KRT73: variants seen among roughly 807,000 people sequenced by gnomAD.
KRT73 encodes keratin, type II cytoskeletal 73.
In KRT73, 44 loss-of-function variants were observed where a neutral mutation model predicts 47.2. The ratio of observed to expected loss-of-function variants is 0.93; its 90% CI spans 0.73 to 1.20. The LOEUF is 1.20. Ranked by LOEUF, KRT73 falls within the 50% of genes most tolerant of loss-of-function variation. KRT73 has a pLI of 0.00. For synonymous variants in KRT73, 285 were observed against 291.3 expected, an observed-to-expected ratio of 0.98 and a Z score of 0.22; for missense variants, 713 against 704.5, an observed-to-expected ratio of 1.01 and a Z score of -0.14.
At chr12:52,625,159 A>G in the KRT73 span, among the ~76,000 whole-genome samples, 1 of 152,196 alleles carries the variant, frequency 6.6e-6, no homozygotes, top group Non-Finnish European at 1.5e-5. Context: ...CTTCATCAAA[A>G]TTAAAAACTT....
chr12:52,629,177 C>T, the KRT73 span, among the ~76,000 whole-genome samples: 124,091 of 152,162 alleles, frequency 0.82, 51,525 homozygotes, highest in East Asian at 0.99. Context: ...AAGCCAGACA[C>T]AGTGGCCTGA....
chr12:52,623,505 T>C (rs1177158906), upstream of KRT73, among the ~76,000 whole-genome samples: 1 of 152,054 alleles, frequency 6.6e-6, no homozygotes, highest in Non-Finnish European at 1.5e-5. Context: ...AAGAAAATGA[T>C]AAAAGAAGAC....
intron 7 of KRT73, 56 bp downstream of exon 7, chr12:52,610,530 CCCCCTCCCCCCCGCCCCCAACCACACTCT>C: frequency 1.1e-5 from 2 of 177,900 alleles, no homozygotes. Flanking sequence ...CAGCTCGCCG[CCCCCTCCCCCCCGCCCCCAACCACACTCT>C]GGGAAACTTT....
rs748162412 is a variant in KRT73 at position 52,614,686 on chromosome 12, C to G, written c.724-12G>C. 10 of 1,608,928 alleles carry G rather than the reference C, an allele frequency of 6.2e-6. No homozygotes were observed. The highest frequency in any genetic ancestry group is 5.0e-5 in the Admixed American group (3 of 59,650). Reference sequence around the variant, plus strand: ...GCTGCGTCCACGTCCTATGGAGAATCCAGATACCCCTGACCTCACCTTTCT... The same window carrying G: ...GCTGCGTCCACGTCCTATGGAGAATGCAGATACCCCTGACCTCACCTTTCT... On this transcript the variant is annotated splice_polypyrimidine_tract_variant and intron_variant, in intron 3 of 8. Coordinates refer to ENST00000305748, the MANE Select transcript of KRT73 (RefSeq NM_175068.3).
intron 5 of KRT73, among the ~76,000 whole-genome samples, chr12:52,612,112 T>C (rs1413443859): frequency 2.6e-5 from 4 of 152,178 alleles, no homozygotes; most frequent in African/African-American, 9.6e-5. Flanking sequence ...AGTGAGCCAA[T>C]GAGCTGTCCA....
rs1436199769 is a variant in KRT73 at position 52,613,778 on chromosome 12, G to A, written c.894C>T (p.Asp298=). The part of the protein sequence containing the change: ...ILSMDNNRNL[D]LDSIIAEVRA... The stretch of plus-strand genomic sequence containing the variant: ...GGACCTCAGCAATGATGCTGTCCAG[G>A]TCCAGGTTCCGGTTGTTGTCCATGG... Residue 298 remains aspartate (D), a synonymous_variant, in exon 5 of 9, where the codon GAC becomes GAT. Transcript: ENST00000305748. The A allele has an allele frequency of 1.2e-6, 2 of 1,614,264 alleles. No homozygotes were observed. Among genetic ancestry groups the A allele is most frequent in the African/African-American group, 1.3e-5 (1 of 75,080 alleles).
At chr12:52,621,696 ACT>A (rs1466677497), upstream of KRT73, among the ~76,000 whole-genome samples, 1 of 152,038 alleles carries the variant, frequency 6.6e-6, no homozygotes, top group Non-Finnish European at 1.5e-5. Flanking sequence ...GAGAATAATC[ACT>A]CTATTCCATC....
chr12:52,620,109 C>CTTTTTTT (rs10638831), upstream of KRT73, among the ~76,000 whole-genome samples: 154 of 94,400 alleles, frequency 1.6e-3, 1 homozygote, highest in African/African-American at 2.0e-3. Flanking sequence ...TCCTTTTTTT[C>CTTTTTTT]TTTTTTTTTT....
chr12:52,629,549 G>T, the KRT73 span, among the ~76,000 whole-genome samples: 4 of 152,216 alleles, frequency 2.6e-5, no homozygotes, highest in Non-Finnish European at 5.9e-5. Flanking sequence ...CAAGTTCAGG[G>T]CCCCAGGGCC....
At position 52,610,741 on chromosome 12, in the gene KRT73, G is replaced by A. The variant is rs750248909; in HGVS notation, c.1205C>T (p.Ala402Val). 4.3e-6 allele frequency: 7 copies of A among 1,613,898 alleles called. No individual in the cohort carries two copies. In the Admixed American group the frequency reaches 1.2e-4, roughly 27 times the overall value. The part of the protein sequence containing the change: ...ARAKLDELEG[A>V]LQQAKEELAR... The stretch of plus-strand genomic sequence containing the variant: ...CAGCTCCTCCTTGGCCTGCTGCAGG[G>A]CGCCCTCCAGCTCATCCAGCTTGGC... Residue 402 changes from alanine (A) to valine (V), a missense_variant, in exon 7 of 9, where the codon GCC becomes GTC. Coordinates refer to ENST00000305748, the MANE Select transcript of KRT73 (RefSeq NM_175068.3).
chr12:52,613,403 T>C, intron 5 of KRT73: 1 of 291,174 alleles, frequency 3.4e-6, no homozygotes, highest in Non-Finnish European at 6.3e-6. Flanking sequence ...CTCCAGGGAG[T>C]GGTTTCTGAC....
At chr12:52,625,514 G>C in the KRT73 span, among the ~76,000 whole-genome samples, 1 of 152,116 alleles carries the variant, frequency 6.6e-6, no homozygotes. Flanking sequence ...AGAGAAACTA[G>C]AGCACTCATA....
intron 2 of KRT73, among the ~76,000 whole-genome samples, chr12:52,615,841 G>A (rs548699156): frequency 1.3e-5 from 2 of 152,314 alleles, no homozygotes; most frequent in African/African-American, 2.4e-5. Context: ...AGAGAGCAGC[G>A]GGTGGGTGGG....
In KRT73 at chr12:52,611,246, G is replaced by A. The variant is rs767699777; in HGVS notation, c.1068C>T (p.Leu356=). The part of the protein sequence containing the change: ...TKNEISELTR[L]IQRLRSEIES... ...CAATCTCCGAGCGCAGTCTTTGGAT[G>A]AGACGGGTCAGCTCTGAGATCTCAT... The change falls in exon 6 of 9, where the codon CTC becomes CTT. Residue 356 remains leucine (L), a synonymous_variant. Transcript: ENST00000305748. 1 of 1,614,066 alleles carries A rather than the reference G, an allele frequency of 6.2e-7. No individual in the cohort carries two copies. Among genetic ancestry groups the A allele is most frequent in the East Asian group, 2.2e-5 (1 of 44,892 alleles).
chr12:52,628,683 A>G, the KRT73 span, among the ~76,000 whole-genome samples: 1 of 152,222 alleles, frequency 6.6e-6, no homozygotes, highest in Non-Finnish European at 1.5e-5. Context: ...GTGTGGGCTA[A>G]GAGCACTACG....
chr12:52,630,028 G>A, the KRT73 span, among the ~76,000 whole-genome samples: 46,634 of 151,934 alleles, frequency 0.31, 7,559 homozygotes, highest in African/African-American at 0.4. Flanking sequence ...ACTATAACTT[G>A]TCTCCCAGCC....
chr12:52,614,394 G>C, intron 4 of KRT73, 185 bp downstream of exon 4: 1 of 536,596 alleles, frequency 1.9e-6, no homozygotes, highest in Non-Finnish European at 3.3e-6. Flanking sequence ...GACATCCTCA[G>C]GGCAGTCAGG....
the KRT73 span, among the ~76,000 whole-genome samples, chr12:52,625,130 T>C: frequency 1.7e-4 from 26 of 152,238 alleles, no homozygotes; most frequent in African/African-American, 5.5e-4. Context: ...ATAATCCATA[T>C]AAGGAAAAAT....
At chr12:52,611,139 C>A in intron 6 of KRT73, 65 bp downstream of exon 6, 1 of 1,575,662 alleles carries the variant, frequency 6.3e-7, no homozygotes, top group Non-Finnish European at 8.7e-7. Context: ...AAGGAGGGGG[C>A]AGGGGGTGCT....
Sources: gnomAD v4.1 joint callset for allele counts (sites outside exome capture counted in the v4.1 genomes callset) on GRCh38, gnomAD v4.1.1 for gene constraint, MANE v1.5 for transcripts, NCBI Gene and HGNC (gene_info 2026-07-23, HGNC 2026-07-21) for gene names.